FRMPD4: variants seen among roughly 807,000 people sequenced by gnomAD.
The protein encoded by FRMPD4 is FERM and PDZ domain containing 4.
In FRMPD4, 22 loss-of-function variants were observed where a neutral mutation model predicts 94.1. The observed-to-expected ratio is 0.23, with a 90% confidence interval of 0.17 to 0.33. The LOEUF (loss-of-function observed/expected upper bound fraction) is 0.33. FRMPD4 is among the 10% of genes least tolerant of loss of function. The pLI is 1.00. For missense variants in FRMPD4, 1,111 were observed against 1,339.9 expected (o/e 0.83, Z 2.67); for synonymous variants, 631 against 548.6 (o/e 1.15, Z -2.10).
intron 4 of FRMPD4, among the ~76,000 whole-genome samples, chrX:12,660,738 C>T (rs1358703899): frequency 8.9e-6 from 1 of 112,335 alleles, no homozygotes; most frequent in African/African-American, 3.2e-5. Flanking sequence ...TTGGTTATCT[C>T]TCATGGTTCT....
At chrX:12,107,256 T>C (rs953591520) in intron 3 of FRMPD4, among the ~76,000 whole-genome samples, 2 of 112,259 alleles carry the variant, frequency 1.8e-5, no homozygotes, top group South Asian at 3.7e-4. Context: ...TTCACTGTTC[T>C]GCAGCCTCCG....
At chrX:11,887,942 C>A (rs1395803814) in intron 3 of FRMPD4, among the ~76,000 whole-genome samples, 1 of 112,073 alleles carries the variant, frequency 8.9e-6, no homozygotes, top group African/African-American at 3.2e-5. Flanking sequence ...GATTAATTTC[C>A]TTTTTTAAAA....
intron 3 of FRMPD4, among the ~76,000 whole-genome samples, chrX:12,611,258 A>T (rs764093350): frequency 8.0e-4 from 90 of 111,956 alleles, no homozygotes; most frequent in Middle Eastern, 4.6e-3. Flanking sequence ...TCAGAAAAAA[A>T]GGGGAATTAT....
intron 1 of FRMPD4, among the ~76,000 whole-genome samples, chrX:12,481,988 A>G (rs1487893743): frequency 9.8e-6 from 1 of 101,945 alleles, no homozygotes; most frequent in Non-Finnish European, 2.0e-5. Flanking sequence ...GTTATTGGAT[A>G]ATCGTAAGGA....
rs771479402 is a variant in FRMPD4 at position 12,708,550 on chromosome X, C to T, written c.1470+899C>T. The stretch of plus-strand genomic sequence containing the variant: ...TCCCAAAAGAGAATAGGAAATAGTC[C>T]AGGTTCCTGGTCTCCACCTTCTTTT... On this transcript the variant is annotated intron_variant, in intron 13 of 16. Coordinates refer to ENST00000675598, the MANE Select transcript of FRMPD4 (RefSeq NM_001368397.1). 1.1e-4 allele frequency among the ~76,000 whole-genome samples: 12 copies of T among 110,842 alleles called. No homozygotes were observed. In the South Asian group the frequency reaches 4.6e-3, roughly 42 times the overall value.
At chrX:12,591,506 C>T (rs772432627) in intron 2 of FRMPD4, among the ~76,000 whole-genome samples, 1 of 111,870 alleles carries the variant, frequency 8.9e-6, no homozygotes, top group South Asian at 3.7e-4. Context: ...CAAACTATGG[C>T]TCAAAAGCCA....
intron 3 of FRMPD4, among the ~76,000 whole-genome samples, chrX:11,935,265 A>ATTTTTT (rs1569129069): frequency 0.014 from 36 of 2,561 alleles, 2 homozygotes; most frequent in Non-Finnish European, 0.017. Flanking sequence ...TTTTTTTTTA[A>ATTTTTT]TGTGTTTTTT....
chrX:12,417,339 G>C (rs763258505), intron 1 of FRMPD4, among the ~76,000 whole-genome samples: 1 of 110,847 alleles, frequency 9.0e-6, no homozygotes, highest in East Asian at 2.8e-4. Context: ...AGCACTTTGG[G>C]AGGCTGAGGG....
At chrX:11,934,338 G>C (rs1349039645) in intron 3 of FRMPD4, among the ~76,000 whole-genome samples, 2 of 111,825 alleles carry the variant, frequency 1.8e-5, no homozygotes. Context: ...GGATGTTATG[G>C]CTGGAAGGAA....
Position 12,551,409 on chromosome X carries a change from C to A in FRMPD4, c.158+52613C>A, listed in dbSNP as rs113647294. 4.1e-3 allele frequency among the ~76,000 whole-genome samples: 452 copies of A among 110,609 alleles called. 3 individuals carry two copies. Among genetic ancestry groups the A allele is most frequent in the African/African-American group, 0.014 (435 of 30,532 alleles). ...AAATTATCATACCCCCAAAAGACAGCAATTTCTTAATACTACGAAATTTCC... is the reference window on the plus strand; with the variant it reads ...AAATTATCATACCCCCAAAAGACAGAAATTTCTTAATACTACGAAATTTCC... On this transcript the variant is annotated intron_variant, in intron 2 of 16. Transcript: ENST00000675598.
At chrX:11,950,124 T>C (rs1366115529) in intron 3 of FRMPD4, among the ~76,000 whole-genome samples, 2 of 111,212 alleles carry the variant, frequency 1.8e-5, no homozygotes, top group Admixed American at 9.5e-5. Flanking sequence ...GTTCTCATGA[T>C]AGTGAGTGAG....
At chrX:11,858,239 A>G (rs1305443987) in intron 1 of FRMPD4, among the ~76,000 whole-genome samples, 2 of 111,905 alleles carry the variant, frequency 1.8e-5, no homozygotes, top group Non-Finnish European at 3.8e-5. Context: ...TCTATTATAA[A>G]GACATATGTA....
chrX:12,269,317 C>T (rs935855528), intron 1 of FRMPD4, among the ~76,000 whole-genome samples: 3 of 107,631 alleles, frequency 2.8e-5, no homozygotes, highest in African/African-American at 1.0e-4. Flanking sequence ...CAATACTTAC[C>T]TCCTCAGATG....
chrX:12,245,234 C>A (rs1283320660), intron 1 of FRMPD4, among the ~76,000 whole-genome samples: 1 of 111,591 alleles, frequency 9.0e-6, no homozygotes, highest in African/African-American at 3.3e-5. Flanking sequence ...CTGGTTGAAT[C>A]GCCCTTAATC....
chrX:11,894,900 T>C (rs1201011420), intron 3 of FRMPD4, among the ~76,000 whole-genome samples: 1 of 111,251 alleles, frequency 9.0e-6, no homozygotes, highest in East Asian at 2.8e-4. Flanking sequence ...AAAAGAAGAG[T>C]GTATCCTTGG....
At chrX:11,933,576 G>A (rs191163829) in intron 3 of FRMPD4, among the ~76,000 whole-genome samples, 19 of 112,556 alleles carry the variant, frequency 1.7e-4, no homozygotes, top group African/African-American at 5.8e-4. Flanking sequence ...CCAAATAAGT[G>A]CCCAGAAATT....
intron 10 of FRMPD4, among the ~76,000 whole-genome samples, chrX:12,704,131 GTC>G (rs762451028): frequency 1.1e-4 from 12 of 112,658 alleles, no homozygotes; most frequent in Non-Finnish European, 1.7e-4. Context: ...CCTTAGCATT[GTC>G]TCTAGAGAAT....
chrX:12,418,360 T>TC (rs2056837299), intron 1 of FRMPD4, among the ~76,000 whole-genome samples: 1 of 97,999 alleles, frequency 1.0e-5, no homozygotes, highest in Admixed American at 1.1e-4. Flanking sequence ...CTTTTTTTTT[T>TC]TTTTTTTTCT....
rs748760594 is a variant in FRMPD4 at position 12,339,768 on chromosome X, C to T, written c.42-158912C>T. Among the ~76,000 whole-genome samples, 272 of 111,198 alleles carry T rather than the reference C, an allele frequency of 2.4e-3. 1 individual carries two copies. The highest frequency in any genetic ancestry group is 3.2e-3 in the Non-Finnish European group (172 of 52,949). ...AGTAGCTGGGACTACAGGCACATGCCACCATGCCTGGCTAATTTTTACATT... is the reference window on the plus strand; with the variant it reads ...AGTAGCTGGGACTACAGGCACATGCTACCATGCCTGGCTAATTTTTACATT... On this transcript the variant is annotated intron_variant, in intron 1 of 16. Transcript: ENST00000675598.
Sources: allele counts gnomAD v4.1 joint callset (sites outside exome capture counted in the v4.1 genomes callset), GRCh38; gene constraint gnomAD v4.1.1; transcripts MANE v1.5; gene names NCBI Gene and HGNC (gene_info 2026-07-23, HGNC 2026-07-21).